Variants in EVI5L observed in about 807,000 individuals in gnomAD.
The protein encoded by EVI5L is EVI5-like protein.
A neutral mutation model predicts 106.1 loss-of-function variants in EVI5L; 30 were observed. The observed-to-expected ratio is 0.28, with a 90% CI of 0.21 to 0.38. The LOEUF (loss-of-function observed/expected upper bound fraction) is 0.38. Among genes scored for constraint, EVI5L ranks in the 10% least tolerant of loss-of-function variants. The pLI is 1.00. For synonymous variants in EVI5L, 489 were observed against 483.3 expected (o/e 1.01, Z -0.15); for missense variants, 809 against 1,098.0 (o/e 0.74, Z 3.72).
At chr19:7,836,854 A>G (rs1430695241) in intron 1 of EVI5L, among the ~76,000 whole-genome samples, 3 of 122,822 alleles carry the variant, frequency 2.4e-5, no homozygotes, top group Non-Finnish European at 5.1e-5. Context: ...CTGGTCTCGA[A>G]CTCCTGACCT....
At chr19:7,861,749 G>C in intron 14 of EVI5L, 129 bp from the exon 15 acceptor site, 1 of 1,262,768 alleles carries the variant, frequency 7.9e-7, no homozygotes, top group Non-Finnish European at 1.1e-6. Flanking sequence ...TTGTCAAGGG[G>C]GTCGCCCTCC....
In EVI5L at chr19:7,851,673, C is replaced by T; in HGVS notation, c.898-8C>T. On this transcript the variant is annotated splice_region_variant and splice_polypyrimidine_tract_variant and intron_variant, in intron 7 of 19. Coordinates refer to ENST00000538904, the MANE Select transcript of EVI5L (RefSeq NM_001159944.3). ...CTCCACCTCCCACTGCCTTTGCCGC[C>T]TTTGCAGGGGCTGGAGATCGTGTTC... 3 of 1,584,866 alleles carry T rather than the reference C, an allele frequency of 1.9e-6. No individual in the cohort carries two copies. The highest frequency in any genetic ancestry group is 2.6e-6 in the Non-Finnish European group (3 of 1,168,162).
Position 7,863,908 on chromosome 19 carries a change from A to C in EVI5L, c.*206A>C. ...GCCCCGGGGCAGGCTCTCTATCCCC[A>C]GCAGTGTTTACCCATCTTGGTCTGT... On this transcript the variant is annotated 3_prime_UTR_variant, in exon 20 of 20. Transcript: ENST00000538904. This position sits in a 1 kb window ranked among gnomAD's most constrained non-coding sequence, Gnocchi z 7.7. 1 of 642,960 alleles carries C rather than the reference A, an allele frequency of 1.6e-6. No homozygotes were observed. Among genetic ancestry groups the C allele is most frequent in the Non-Finnish European group, 2.5e-6 (1 of 403,174 alleles). The allele number at this position is 642,960 out of a possible 1,614,324, so 39.8% of individuals were successfully genotyped here.
intron 6 of EVI5L, among the ~76,000 whole-genome samples, chr19:7,851,184 A>C (rs569806105): frequency 6.6e-6 from 1 of 152,212 alleles, no homozygotes; most frequent in African/African-American, 2.4e-5. Flanking sequence ...TCACCTACCC[A>C]GGGTGGGCCC....
chr19:7,837,602 C>T (rs955207027), intron 1 of EVI5L, among the ~76,000 whole-genome samples: 1 of 152,178 alleles, frequency 6.6e-6, no homozygotes, highest in Admixed American at 6.5e-5. Flanking sequence ...GACATTTAGT[C>T]GTCATGTCTC....
intron 1 of EVI5L, among the ~76,000 whole-genome samples, chr19:7,834,251 G>A (rs989915951): frequency 1.1e-4 from 17 of 152,124 alleles, no homozygotes; most frequent in African/African-American, 3.6e-4. Context: ...TTGAACCTGG[G>A]AGGCAGAGCT....
intron 2 of EVI5L, 28 bp from the exon 3 acceptor site, chr19:7,847,704 T>C (rs2146423904): frequency 1.2e-6 from 2 of 1,602,122 alleles, no homozygotes; most frequent in Non-Finnish European, 1.7e-6. Flanking sequence ...GAGTCACTGG[T>C]TCCCCTCTGT....
At chr19:7,847,678 G>A in intron 2 of EVI5L, 54 bp from the exon 3 acceptor site, 5 of 1,571,674 alleles carry the variant, frequency 3.2e-6, no homozygotes, top group Non-Finnish European at 4.3e-6. Flanking sequence ...GCTCGCCAAG[G>A]ATCCCTGTCC....
At chr19:7,847,551 A>G (rs944339099) in intron 2 of EVI5L, among the ~76,000 whole-genome samples, 181 bp from the exon 3 acceptor site, 1 of 151,866 alleles carries the variant, frequency 6.6e-6, no homozygotes, top group Non-Finnish European at 1.5e-5. Context: ...ACACCACTGC[A>G]CTCCAGCCTG....
chr19:7,847,959 C>T lies in EVI5L; in HGVS notation c.327+38C>T, dbSNP rs775658223. 53 of 1,512,184 alleles carry T rather than the reference C, an allele frequency of 3.5e-5. No homozygotes were observed. In the South Asian group the frequency reaches 3.7e-4, roughly 11 times the overall value. The allele number at this position is 1,512,184 out of a possible 1,614,324, so 93.7% of individuals were successfully genotyped here. On this transcript the variant is annotated intron_variant, in intron 3 of 19. Transcript: ENST00000538904. ...CAGGCAGGCAGGGCTGGGCCGACGG[C>T]GTGGGCAGGTGGTGCGGTCACTCAG...
intron 1 of EVI5L, among the ~76,000 whole-genome samples, chr19:7,842,554 A>G (rs559689439): frequency 7.0e-6 from 1 of 141,880 alleles, no homozygotes; most frequent in Non-Finnish European, 1.5e-5. Context: ...AAGTGTGTGT[A>G]TGTGTGTGAA....
intron 1 of EVI5L, among the ~76,000 whole-genome samples, chr19:7,843,854 A>G (rs963716864): frequency 1.3e-5 from 2 of 151,864 alleles, no homozygotes; most frequent in Admixed American, 1.3e-4. Context: ...CTTCAGGAGG[A>G]TGGTTTCCAC....
chr19:7,832,615 G>A (rs1192250075), intron 1 of EVI5L, among the ~76,000 whole-genome samples: 1 of 152,122 alleles, frequency 6.6e-6, no homozygotes, highest in Non-Finnish European at 1.5e-5. Flanking sequence ...GGAGTCCTAT[G>A]GGCTCCTGTG....
At chr19:7,839,555 G>A (rs1978505619) in intron 1 of EVI5L, among the ~76,000 whole-genome samples, 1 of 152,170 alleles carries the variant, frequency 6.6e-6, no homozygotes, top group African/African-American at 2.4e-5. Context: ...CTGCAGTTCT[G>A]TATGGTTCTG....
intron 1 of EVI5L, among the ~76,000 whole-genome samples, chr19:7,840,227 C>A (rs896652436): frequency 1.1e-4 from 16 of 152,220 alleles, no homozygotes; most frequent in African/African-American, 3.9e-4. Flanking sequence ...GCCTGTAATC[C>A]CAGCACTTTG....
intron 5 of EVI5L, 95 bp downstream of exon 5, chr19:7,849,425 C>T (rs781520333): frequency 2.7e-5 from 36 of 1,336,460 alleles, no homozygotes; most frequent in Middle Eastern, 2.0e-4. Context: ...GTCCTCCACC[C>T]AGCGTCTTGC....
Position 7,856,945 on chromosome 19 carries a change from C to T in EVI5L, c.1201-147C>T. The T allele has an allele frequency of 2.4e-6, 2 of 836,116 alleles. No homozygotes were observed. The highest frequency in any genetic ancestry group is 4.0e-6 in the Non-Finnish European group (2 of 503,114). The allele number at this position is 836,116 out of a possible 1,614,324, so 51.8% of individuals were successfully genotyped here. Reference sequence around the variant, plus strand: ...TCCTCCGGGTCCTCTCCTGCTGGTTCTCTGGTCTTCCCTCCTCTCTCCCCC... The same window carrying T: ...TCCTCCGGGTCCTCTCCTGCTGGTTTTCTGGTCTTCCCTCCTCTCTCCCCC... On this transcript the variant is annotated intron_variant, in intron 11 of 19. Transcript: ENST00000538904. This position sits in a 1 kb window ranked among gnomAD's most constrained non-coding sequence, Gnocchi z 6.6.
chr19:7,864,205 G>GC lies in EVI5L; in HGVS notation c.*507dup, dbSNP rs1980009650. Reference sequence around the variant, plus strand: ...CTCGGGATGAAGTGACCCTTGACTAGCCCCTGGCCATCTCTAGGGGAGTCA... The same window carrying GC: ...CTCGGGATGAAGTGACCCTTGACTAGCCCCCTGGCCATCTCTAGGGGAGTCA... On this transcript the variant is annotated 3_prime_UTR_variant, in exon 20 of 20. Transcript: ENST00000538904. This position sits in a 1 kb window ranked among gnomAD's most constrained non-coding sequence, Gnocchi z 4.5. The GC allele has an allele frequency of 6.5e-6, 1 of 153,766 alleles. No individual in the cohort carries two copies. The highest frequency in any genetic ancestry group is 2.4e-5 in the African/African-American group (1 of 41,494). The allele number at this position is 153,766 out of a possible 1,614,324, so 9.5% of individuals were successfully genotyped here. A position where few individuals can be genotyped will look rare whatever the true frequency, so the allele number is the denominator to read the frequency against.
rs1358227631 is a variant in EVI5L at position 7,849,098 on chromosome 19, A to C, written c.505A>C (p.Lys169Gln). 40 of 1,610,174 alleles carry C rather than the reference A, an allele frequency of 2.5e-5. No individual in the cohort carries two copies. Among genetic ancestry groups the C allele is most frequent in the Non-Finnish European group, 3.3e-5 (39 of 1,178,382 alleles). Residue 169 changes from lysine to glutamine, a missense_variant, in exon 4 of 20, where the codon AAG becomes CAG. Coordinates refer to ENST00000538904, the MANE Select transcript of EVI5L (RefSeq NM_001159944.3). ...ARTYPEHEFF[K>Q]GQDSLGQEVL... is the part of the protein sequence containing the mutation. Reference sequence around the variant, plus strand: ...CACCTACCCGGAACATGAGTTCTTCAAGGGCCAGGACAGCCTGGGCCAGGA... The same window carrying C: ...CACCTACCCGGAACATGAGTTCTTCCAGGGCCAGGACAGCCTGGGCCAGGA...
Sources: allele counts gnomAD v4.1 joint callset (sites outside exome capture counted in the v4.1 genomes callset), GRCh38; gene constraint gnomAD v4.1.1; non-coding constraint Gnocchi (gnomAD v3.1); transcripts MANE v1.5; gene names NCBI Gene and HGNC (gene_info 2026-07-23, HGNC 2026-07-21).